Variants in CCDC91 observed in about 807,000 individuals in gnomAD.
The protein encoded by CCDC91 is coiled-coil domain containing 91, also known as coiled-coil domain-containing protein 91.
A neutral mutation model predicts 63.2 loss-of-function variants in CCDC91; 48 were observed. The observed-to-expected ratio is 0.76, with a 90% CI of 0.60 to 0.97. The LOEUF (loss-of-function observed/expected upper bound fraction) is 0.97, where lower values mean the gene tolerates loss of function less well. CCDC91 is among the 50% of genes least tolerant of loss of function. The pLI is 0.00. For synonymous variants in CCDC91, 167 were observed against 165.8 expected (o/e 1.01, Z -0.06); for missense variants, 500 against 494.6 (o/e 1.01, Z -0.10).
At chr12:28,494,252 G>C (rs1468286662) in intron 12 of CCDC91, among the ~76,000 whole-genome samples, 1 of 151,650 alleles carries the variant, frequency 6.6e-6, no homozygotes, top group Non-Finnish European at 1.5e-5. Context: ...ATGTGCTATA[G>C]TATGGACTAA....
chr12:28,309,182 G>A (rs1209519664), intron 6 of CCDC91, among the ~76,000 whole-genome samples: 3 of 151,942 alleles, frequency 2.0e-5, no homozygotes, highest in Admixed American at 6.6e-5. Context: ...TAAGAAAAAC[G>A]CAGGCAGTGT....
At chr12:28,489,532 A>G (rs1390745089) in intron 12 of CCDC91, among the ~76,000 whole-genome samples, 1 of 151,944 alleles carries the variant, frequency 6.6e-6, no homozygotes, top group East Asian at 1.9e-4. Context: ...CTCACAGCCA[A>G]GCAGTGATTC....
intron 1 of CCDC91, among the ~76,000 whole-genome samples, chr12:28,235,149 G>A (rs1944855667): frequency 6.6e-6 from 1 of 152,076 alleles, no homozygotes; most frequent in Non-Finnish European, 1.5e-5. Context: ...GACAGGAAGT[G>A]GAAGGTGCCT....
intron 8 of CCDC91, among the ~76,000 whole-genome samples, chr12:28,417,246 T>A (rs887455929): frequency 3.3e-5 from 5 of 152,136 alleles, no homozygotes; most frequent in African/African-American, 1.2e-4. Flanking sequence ...TTCATTTATT[T>A]TTTCATTTAA....
rs1947566900 is a variant in CCDC91 at position 28,269,172 on chromosome 12, T to C, written c.109+9730T>C. On this transcript the variant is annotated intron_variant, in intron 3 of 12. Transcript: ENST00000536442. ...ATACTTTGTATTTACTCAGGTTGAGTTTTCATGTATTTCCTCCCTCTTTTT... is the reference window on the plus strand; with the variant it reads ...ATACTTTGTATTTACTCAGGTTGAGCTTTCATGTATTTCCTCCCTCTTTTT... Among the ~76,000 whole-genome samples the C allele has an allele frequency of 2.0e-5, 3 of 151,974 alleles. No homozygotes were observed. In the South Asian group the frequency reaches 6.2e-4, roughly 32 times the overall value.
intron 1 of CCDC91, among the ~76,000 whole-genome samples, chr12:28,222,303 G>T (rs1944000058): frequency 6.6e-6 from 1 of 151,182 alleles, no homozygotes; most frequent in South Asian, 2.1e-4. Flanking sequence ...GGCGGTGGTG[G>T]TGGTGGTGCT....
At chr12:28,462,342 A>G (rs1421862733) in intron 11 of CCDC91, among the ~76,000 whole-genome samples, 5 of 152,268 alleles carry the variant, frequency 3.3e-5, no homozygotes, top group South Asian at 4.1e-4. Context: ...TAAGGATGAA[A>G]TAAAAATAGT....
intron 3 of CCDC91, among the ~76,000 whole-genome samples, chr12:28,286,084 G>C (rs1948898004): frequency 6.6e-6 from 1 of 151,700 alleles, no homozygotes; most frequent in Admixed American, 6.6e-5. Flanking sequence ...CTTTCTAATT[G>C]GAAGTGGCTT....
intron 8 of CCDC91, among the ~76,000 whole-genome samples, chr12:28,396,035 T>C (rs1434689513): frequency 3.3e-5 from 5 of 152,126 alleles, no homozygotes; most frequent in Non-Finnish European, 4.4e-5. Flanking sequence ...ACAGATGATA[T>C]AATTTTAAAA....
chr12:28,279,351 T>A (rs555013539), intron 3 of CCDC91, among the ~76,000 whole-genome samples: 1 of 152,134 alleles, frequency 6.6e-6, no homozygotes, highest in Non-Finnish European at 1.5e-5. Flanking sequence ...CCCCTCAAGT[T>A]AAGTACAGAA....
intron 12 of CCDC91, among the ~76,000 whole-genome samples, chr12:28,510,303 G>T (rs538543695): frequency 1.4e-5 from 2 of 145,376 alleles, no homozygotes; most frequent in African/African-American, 4.9e-5. Flanking sequence ...GATTCTGGAG[G>T]CTGAGAAGTC....
intron 11 of CCDC91, among the ~76,000 whole-genome samples, chr12:28,468,744 C>T (rs1256970499): frequency 2.0e-5 from 3 of 151,810 alleles, no homozygotes; most frequent in African/African-American, 7.3e-5. Context: ...TTCATCATGA[C>T]CAAGTGAGAT....
chr12:28,288,707 A>C (rs1949048692), intron 3 of CCDC91, among the ~76,000 whole-genome samples: 1 of 152,184 alleles, frequency 6.6e-6, no homozygotes, highest in South Asian at 2.1e-4. Flanking sequence ...AGAATGAATT[A>C]GGGTGAAGTC....
chr12:28,319,348 G>A (rs745841684), intron 6 of CCDC91: 1 of 151,902 alleles, frequency 6.6e-6, no homozygotes, highest in East Asian at 1.9e-4. Flanking sequence ...CTTAAGTTTA[G>A]GTGCTTAGAT....
At chr12:28,479,050 T>G (rs1238011070) in intron 11 of CCDC91, among the ~76,000 whole-genome samples, 1 of 152,158 alleles carries the variant, frequency 6.6e-6, no homozygotes, top group African/African-American at 2.4e-5. Flanking sequence ...TGGAAGACAG[T>G]ATGGCGATTC....
chr12:28,241,428 C>T lies in CCDC91; in HGVS notation c.-14-15774C>T, dbSNP rs114183122. Among the ~76,000 whole-genome samples the T allele has an allele frequency of 2.1e-3, 313 of 152,186 alleles. 2 individuals carry two copies. The highest frequency in any genetic ancestry group is 7.1e-3 in the African/African-American group (295 of 41,502). On this transcript the variant is annotated intron_variant, in intron 1 of 12. Coordinates refer to ENST00000536442, the MANE Select transcript of CCDC91 (RefSeq NM_018318.5). Reference sequence around the variant, plus strand: ...GGGTGGGAGGGTTTTCTGCCTTTCCCCCAAGTGGCAGCTTGCAGTTTTGCT... The same window carrying T: ...GGGTGGGAGGGTTTTCTGCCTTTCCTCCAAGTGGCAGCTTGCAGTTTTGCT...
intron 12 of CCDC91, among the ~76,000 whole-genome samples, chr12:28,518,291 C>T (rs1408063594): frequency 6.6e-6 from 1 of 151,868 alleles, no homozygotes. Flanking sequence ...TCCATGCAGA[C>T]ATCTATTTTT....
rs1946120921 is a variant in CCDC91, at chr12:28,394,133, TTA to T, written c.762+2725_762+2726del. Among the ~76,000 whole-genome samples, 4 of 152,188 alleles carry T rather than the reference TTA, an allele frequency of 2.6e-5. No individual in the cohort carries two copies. The South Asian group carries it at 8.3e-4, about 32-fold the overall frequency. Reference sequence around the variant, plus strand: ...AGAACACCCCAGGACGTTTATAGGATTATAAGCGGTTCAGTATGATGCTTTTT... The same window carrying T: ...AGAACACCCCAGGACGTTTATAGGATTAAGCGGTTCAGTATGATGCTTTTT... On this transcript the variant is annotated intron_variant, in intron 8 of 12. Coordinates refer to ENST00000536442, the MANE Select transcript of CCDC91 (RefSeq NM_018318.5).
rs75120884 is a variant in CCDC91, at chr12:28,291,197, C to G, written c.110-14452C>G. On this transcript the variant is annotated intron_variant, in intron 3 of 12. Coordinates refer to ENST00000536442, the MANE Select transcript of CCDC91 (RefSeq NM_018318.5). ...TCCATGCTTCAGGATTCAGTAACCT[C>G]TTGGAAAGCATTTTCTGCACCCTGC... is the stretch of plus-strand genomic sequence containing the variant. Among the ~76,000 whole-genome samples, 356 of 152,306 alleles carry G rather than the reference C, an allele frequency of 2.3e-3. 2 individuals are homozygous for G. The highest frequency in any genetic ancestry group is 8.1e-3 in the African/African-American group (337 of 41,564).
Sources: allele counts gnomAD v4.1 joint callset (sites outside exome capture counted in the v4.1 genomes callset), GRCh38; gene constraint gnomAD v4.1.1; transcripts MANE v1.5; gene names NCBI Gene and HGNC (gene_info 2026-07-23, HGNC 2026-07-21).